The following DGKI variants were observed in gnomAD, a reference collection of about 807,000 sequenced individuals.
DGKI encodes the protein diacylglycerol kinase iota.
A neutral mutation model predicts 147.5 loss-of-function variants in DGKI; 55 were observed. The ratio of observed to expected loss-of-function variants is 0.37; its 90% CI spans 0.30 to 0.47. The LOEUF (loss-of-function observed/expected upper bound fraction) is 0.47, where lower values mean the gene tolerates loss of function less well. Ranked by LOEUF, DGKI falls within the 20% of genes least tolerant of loss-of-function variation. The pLI is 1.00. For synonymous variants in DGKI, 469 were observed against 477.1 expected, an observed-to-expected ratio of 0.98 and a Z score of 0.22; for missense variants, 1,007 against 1,323.8, an observed-to-expected ratio of 0.76 and a Z score of 3.71.
At chr7:137,718,764 G>C (rs181099716) in intron 1 of DGKI, among the ~76,000 whole-genome samples, 1 of 152,142 alleles carries the variant, frequency 6.6e-6, no homozygotes, top group Non-Finnish European at 1.5e-5. Context: ...AGGAGAAGAC[G>C]GCCTCCTCTC....
chr7:137,571,142 A>AG (rs1181435480), intron 19 of DGKI, 33 bp downstream of exon 19: 1 of 1,490,152 alleles, frequency 6.7e-7, no homozygotes, highest in Non-Finnish European at 9.1e-7. Context: ...ACTAAAATAC[A>AG]TTTCATTTTA....
intron 19 of DGKI, among the ~76,000 whole-genome samples, chr7:137,554,403 C>A (rs1182529116): frequency 6.6e-6 from 1 of 152,102 alleles, no homozygotes; most frequent in African/African-American, 2.4e-5. Context: ...TCGTGACAGT[C>A]GCTGTCTATT....
At chr7:137,624,838 C>A (rs879669428) in intron 6 of DGKI, among the ~76,000 whole-genome samples, 2 of 152,094 alleles carry the variant, frequency 1.3e-5, no homozygotes, top group Non-Finnish European at 2.9e-5. Flanking sequence ...AATCTCCTGA[C>A]CTCATGATCT....
chr7:137,595,987 G>C (rs1819777016), intron 12 of DGKI, among the ~76,000 whole-genome samples: 1 of 101,932 alleles, frequency 9.8e-6, no homozygotes. Flanking sequence ...GGGCAACAGA[G>C]TGAGACTCCG....
intron 6 of DGKI, among the ~76,000 whole-genome samples, chr7:137,624,131 C>T (rs976769025): frequency 1.2e-4 from 19 of 152,254 alleles, no homozygotes; most frequent in East Asian, 1.9e-4. Flanking sequence ...CAGGAAGCAA[C>T]GATGAAATCA....
chr7:137,384,264 T>C lies in DGKI; in HGVS notation c.*6956A>G, dbSNP rs1026323866. 1.3e-5 allele frequency: 2 copies of C among 152,068 alleles called. No individual in the cohort carries two copies. The highest frequency in any genetic ancestry group is 2.1e-4 in the South Asian group (1 of 4,826). 9.4% of individuals were successfully genotyped at this position (152,068 alleles called of 1,614,324 possible). A position where few individuals can be genotyped will look rare whatever the true frequency, so the allele number is the denominator to read the frequency against. ...TCTTCTCTTGAAATCCACCCTGGTA[T>C]GCAAACATTAGACTTTTCTTTGCTT... On this transcript the variant is annotated 3_prime_UTR_variant, in exon 33 of 33. Coordinates refer to ENST00000614521, the MANE Select transcript of DGKI (RefSeq NM_001321708.2).
intron 1 of DGKI, among the ~76,000 whole-genome samples, chr7:137,802,986 T>A (rs537600754): frequency 3.3e-5 from 5 of 152,052 alleles, no homozygotes; most frequent in Non-Finnish European, 7.4e-5. Flanking sequence ...AGACAAGCAC[T>A]AAAAATAATG....
At chr7:137,548,510 G>A (rs773901984) in intron 20 of DGKI, among the ~76,000 whole-genome samples, 9 of 151,948 alleles carry the variant, frequency 5.9e-5, no homozygotes, top group Admixed American at 1.3e-4. Context: ...TGCCTCCCCC[G>A]TCTCTCTTGC....
At chr7:137,557,742 C>T (rs1282635701) in intron 19 of DGKI, among the ~76,000 whole-genome samples, 1 of 152,154 alleles carries the variant, frequency 6.6e-6, no homozygotes, top group Non-Finnish European at 1.5e-5. Context: ...CCAACTCAGA[C>T]AGGCAGCCCT....
chr7:137,728,917 G>A (rs1794790719), intron 1 of DGKI, among the ~76,000 whole-genome samples: 1 of 152,128 alleles, frequency 6.6e-6, no homozygotes, highest in Admixed American at 6.6e-5. Context: ...TCCTTATCAG[G>A]ATAATCTCAT....
chr7:137,739,040 A>C (rs1354494105), intron 1 of DGKI, among the ~76,000 whole-genome samples: 1 of 152,144 alleles, frequency 6.6e-6, no homozygotes, highest in Non-Finnish European at 1.5e-5. Flanking sequence ...ATATGTTTTA[A>C]GTGAACCAGC....
At chr7:137,673,363 A>G (rs1822920496) in intron 3 of DGKI, among the ~76,000 whole-genome samples, 4 of 152,176 alleles carry the variant, frequency 2.6e-5, no homozygotes. Flanking sequence ...CTGACAGTGA[A>G]GAGAATCATC....
chr7:137,687,382 GA>G (rs1223885646), intron 2 of DGKI, among the ~76,000 whole-genome samples: 1 of 152,130 alleles, frequency 6.6e-6, no homozygotes, highest in African/African-American at 2.4e-5. Flanking sequence ...TCCATACATT[GA>G]GTCCAGAAGA....
Position 137,557,514 on chromosome 7 carries a change from T to C in DGKI, c.1948-4946A>G, listed in dbSNP as rs542008312. On this transcript the variant is annotated intron_variant, in intron 19 of 32. Coordinates refer to ENST00000614521, the MANE Select transcript of DGKI (RefSeq NM_001321708.2). ...GAGGCTGGGAATATTTCCCACTATA[T>C]AGAGAAAAATAAAATCAGTATTCTA... Among the ~76,000 whole-genome samples the C allele has an allele frequency of 2.2e-4, 33 of 152,186 alleles. 1 individual carries two copies. The South Asian group carries it at 6.6e-3, about 31-fold the overall frequency.
chr7:137,415,580 C>T (rs1328626891), intron 28 of DGKI, among the ~76,000 whole-genome samples: 1 of 152,142 alleles, frequency 6.6e-6, no homozygotes, highest in African/African-American at 2.4e-5. Context: ...AGGATGTTCT[C>T]CTGACTGAAG....
chr7:137,764,798 C>T (rs1396879576), intron 1 of DGKI, among the ~76,000 whole-genome samples: 1 of 152,180 alleles, frequency 6.6e-6, no homozygotes, highest in Non-Finnish European at 1.5e-5. Flanking sequence ...GAATGCCTTA[C>T]CCTGAGCTAT....
chr7:137,494,589 G>C (rs1301311434), intron 21 of DGKI, among the ~76,000 whole-genome samples: 2 of 152,100 alleles, frequency 1.3e-5, no homozygotes, highest in African/African-American at 4.8e-5. Flanking sequence ...AAAAGCAAAG[G>C]AGAAATAAGA....
chr7:137,406,969 G>A (rs1811976385), intron 30 of DGKI, among the ~76,000 whole-genome samples: 1 of 143,084 alleles, frequency 7.0e-6, no homozygotes, highest in Admixed American at 6.9e-5. Context: ...GGATGTGAAT[G>A]TTTATGAGTA....
At chr7:137,795,878 A>G (rs564449541) in intron 1 of DGKI, among the ~76,000 whole-genome samples, 1 of 152,332 alleles carries the variant, frequency 6.6e-6, no homozygotes, top group East Asian at 1.9e-4. Flanking sequence ...TTAGCTGACC[A>G]CTAAGCTAAC....
Sources: allele counts gnomAD v4.1 joint callset (sites outside exome capture counted in the v4.1 genomes callset), GRCh38; gene constraint gnomAD v4.1.1; transcripts MANE v1.5; gene names NCBI Gene and HGNC (gene_info 2026-07-23, HGNC 2026-07-21).